The following GABRG3 variants were observed in gnomAD, a reference collection of about 807,000 sequenced individuals.
GABRG3 encodes gamma-aminobutyric acid receptor subunit gamma-3.
Under a neutral mutation model 48.8 loss-of-function variants are expected in GABRG3, and 25 were observed. The observed-to-expected ratio is 0.51, with a 90% CI of 0.37 to 0.72. The LOEUF is 0.72. GABRG3 is among the 30% of genes least tolerant of loss of function. The probability of loss-of-function intolerance (pLI) is 0.00; values close to 1 mark genes in which losing one functional copy is unlikely to be tolerated. For synonymous variants in GABRG3, 227 were observed against 217.6 expected, an observed-to-expected ratio of 1.04 and a Z score of -0.38; for missense variants, 394 against 577.9, an observed-to-expected ratio of 0.68 and a Z score of 3.26.
At chr15:27,263,716 C>T (rs535899041) in intron 3 of GABRG3, among the ~76,000 whole-genome samples, 90 of 152,152 alleles carry the variant, frequency 5.9e-4, no homozygotes, top group Admixed American at 1.4e-3. Flanking sequence ...TGGGGTCATA[C>T]TGCAGGCTGA....
At chr15:27,065,192 G>T (rs1409410369) in intron 3 of GABRG3, among the ~76,000 whole-genome samples, 1 of 152,150 alleles carries the variant, frequency 6.6e-6, no homozygotes, top group Non-Finnish European at 1.5e-5. Flanking sequence ...TCACCATAAC[G>T]AGTGGATGAA....
intron 3 of GABRG3, among the ~76,000 whole-genome samples, chr15:27,143,347 TG>T (rs563797432): frequency 2.0e-4 from 31 of 152,300 alleles, no homozygotes; most frequent in Non-Finnish European, 4.1e-4. Flanking sequence ...CTCTAAGCAC[TG>T]GGATAACAGG....
chr15:27,168,224 G>C (rs1258924286), intron 3 of GABRG3, among the ~76,000 whole-genome samples: 1 of 152,086 alleles, frequency 6.6e-6, no homozygotes, highest in Admixed American at 6.5e-5. Flanking sequence ...AGCTGGAGTT[G>C]AGAATGTGCT....
chr15:27,156,843 A>T (rs1898442035), intron 3 of GABRG3, among the ~76,000 whole-genome samples: 1 of 152,164 alleles, frequency 6.6e-6, no homozygotes, highest in South Asian at 2.1e-4. Context: ...GATGGTGTGG[A>T]GTGTTTTCCT....
At chr15:27,087,394 T>C (rs1194298402) in intron 3 of GABRG3, among the ~76,000 whole-genome samples, 1 of 152,216 alleles carries the variant, frequency 6.6e-6, no homozygotes, top group Non-Finnish European at 1.5e-5. Context: ...ATTGACAGCC[T>C]ACTTGTGTCA....
intron 5 of GABRG3, among the ~76,000 whole-genome samples, chr15:27,442,012 C>T (rs2140633585): frequency 1.3e-5 from 2 of 152,278 alleles, no homozygotes; most frequent in Admixed American, 6.5e-5. Context: ...TATGGGACAC[C>T]TTGAACCCAA....
chr15:27,201,845 A>G (rs1230318518), intron 3 of GABRG3, among the ~76,000 whole-genome samples: 1 of 152,250 alleles, frequency 6.6e-6, no homozygotes, highest in African/African-American at 2.4e-5. Flanking sequence ...AATGATACAG[A>G]ATATACTAAA....
intron 5 of GABRG3, among the ~76,000 whole-genome samples, chr15:27,342,019 G>A (rs1318458614): frequency 6.6e-6 from 1 of 152,210 alleles, no homozygotes. Flanking sequence ...CATTCTCCCA[G>A]GGTGATTAAT....
At chr15:26,984,259 A>G (rs1037437229) in intron 2 of GABRG3, among the ~76,000 whole-genome samples, 6 of 151,938 alleles carry the variant, frequency 3.9e-5, no homozygotes, top group Non-Finnish European at 7.4e-5. Flanking sequence ...CCAATTCCTA[A>G]CTATAGAGGC....
chr15:27,441,281 T>C (rs1175659770), intron 5 of GABRG3, among the ~76,000 whole-genome samples: 1 of 152,198 alleles, frequency 6.6e-6, no homozygotes, highest in Non-Finnish European at 1.5e-5. Context: ...TAGGCTTAAA[T>C]CTCTAGCAGG....
intron 5 of GABRG3, among the ~76,000 whole-genome samples, chr15:27,410,050 T>G (rs1032472381): frequency 3.9e-5 from 6 of 152,192 alleles, no homozygotes; most frequent in African/African-American, 1.4e-4. Context: ...AGTGTGATGT[T>G]AGATGAAATA....
At chr15:27,158,849 A>C (rs899484258) in intron 3 of GABRG3, among the ~76,000 whole-genome samples, 1 of 152,164 alleles carries the variant, frequency 6.6e-6, no homozygotes, top group African/African-American at 2.4e-5. Flanking sequence ...GCAAATTACC[A>C]CCTGAATATT....
chr15:27,112,962 G>A (rs1317848712), intron 3 of GABRG3, among the ~76,000 whole-genome samples: 1 of 152,086 alleles, frequency 6.6e-6, no homozygotes, highest in Admixed American at 6.5e-5. Context: ...GTCTAGAAAT[G>A]TTTCTTTGAT....
chr15:27,394,935 C>T (rs1314725889), intron 5 of GABRG3, among the ~76,000 whole-genome samples: 1 of 152,034 alleles, frequency 6.6e-6, no homozygotes, highest in African/African-American at 2.4e-5. Flanking sequence ...GTGTGGAGTT[C>T]ATTGAGTTTT....
In GABRG3 at chr15:27,209,928, C is replaced by T. The variant is rs566469177; in HGVS notation, c.271-116881C>T. Among the ~76,000 whole-genome samples, 10 of 152,250 alleles carry T rather than the reference C, an allele frequency of 6.6e-5. No homozygotes were observed. In the South Asian group the frequency reaches 1.2e-3, roughly 19 times the overall value. On this transcript the variant is annotated intron_variant, in intron 3 of 9. Coordinates refer to ENST00000615808, the MANE Select transcript of GABRG3 (RefSeq NM_033223.5). Reference sequence around the variant, plus strand: ...CCTCTGCACGTGCATCCCTGGTGTCCGTCTGTGTGTCCCGATCTCCTTCTC... The same window carrying T: ...CCTCTGCACGTGCATCCCTGGTGTCTGTCTGTGTGTCCCGATCTCCTTCTC...
At chr15:27,300,351 G>C (rs1360719561) in intron 3 of GABRG3, among the ~76,000 whole-genome samples, 1 of 151,986 alleles carries the variant, frequency 6.6e-6, no homozygotes, top group Non-Finnish European at 1.5e-5. Context: ...ATCTTACAAA[G>C]AATGAAGGCA....
chr15:27,258,789 A>G (rs1035154301), intron 3 of GABRG3, among the ~76,000 whole-genome samples: 1 of 152,180 alleles, frequency 6.6e-6, no homozygotes, highest in Admixed American at 6.5e-5. Flanking sequence ...GAAAATGTAC[A>G]GTAAGTTATA....
intron 6 of GABRG3, among the ~76,000 whole-genome samples, chr15:27,513,877 T>C (rs1050282832): frequency 6.6e-5 from 10 of 152,148 alleles, no homozygotes; most frequent in African/African-American, 2.4e-4. Flanking sequence ...AACAGAAATA[T>C]ACATGTATCA....
At chr15:27,344,947 G>A (rs1320641242) in intron 5 of GABRG3, among the ~76,000 whole-genome samples, 2 of 152,056 alleles carry the variant, frequency 1.3e-5, no homozygotes, top group Non-Finnish European at 1.5e-5. Flanking sequence ...ATTGTGTAAG[G>A]CCACTATCTA....
Sources: gnomAD v4.1 joint callset for allele counts (sites outside exome capture counted in the v4.1 genomes callset) on GRCh38, gnomAD v4.1.1 for gene constraint, MANE v1.5 for transcripts, NCBI Gene and HGNC (gene_info 2026-07-23, HGNC 2026-07-21) for gene names.